The following STRBP variants were observed in gnomAD, a reference collection of about 807,000 sequenced individuals.
The protein encoded by STRBP is spermatid perinuclear RNA binding protein.
STRBP carries 13 observed loss-of-function variants against 80.1 expected under a neutral mutation model. The ratio of observed to expected loss-of-function variants is 0.16; its 90% confidence interval spans 0.11 to 0.26. The LOEUF (loss-of-function observed/expected upper bound fraction) is 0.26. STRBP is among the 10% of genes least tolerant of loss of function. The probability of loss-of-function intolerance (pLI) is 1.00; values close to 1 mark genes in which losing one functional copy is unlikely to be tolerated. For synonymous variants in STRBP, 284 were observed against 291.2 expected, an observed-to-expected ratio of 0.98 and a Z score of 0.25; for missense variants, 485 against 815.2, an observed-to-expected ratio of 0.59 and a Z score of 4.93.
chr9:123,263,731 T>TC (rs1448514405), intron 1 of STRBP, among the ~76,000 whole-genome samples: 10 of 151,994 alleles, frequency 6.6e-5, no homozygotes, highest in African/African-American at 2.4e-4. Context: ...AACTAAAACT[T>TC]GAAAAAGGAA....
chr9:123,190,993 G>A (rs77588566), intron 2 of STRBP, among the ~76,000 whole-genome samples: 1,699 of 152,296 alleles, frequency 0.011, 21 homozygotes, highest in Non-Finnish European at 0.013. Flanking sequence ...CCCAGGCACT[G>A]TCCTAGGCAC....
intron 17 of STRBP, among the ~76,000 whole-genome samples, chr9:123,129,857 A>T (rs2036061097): frequency 6.6e-6 from 1 of 152,216 alleles, no homozygotes. Flanking sequence ...GTCTATAGTT[A>T]AGTCATATAA....
chr9:123,137,060 T>C (rs2036385477), intron 14 of STRBP, among the ~76,000 whole-genome samples: 3 of 152,228 alleles, frequency 2.0e-5, no homozygotes, highest in Non-Finnish European at 4.4e-5. Context: ...GCAGTCACTC[T>C]CTGCCCTCAA....
At chr9:123,268,346 G>C (rs1470646429) in intron 1 of STRBP, 90 bp downstream of exon 1, 1 of 151,636 alleles carries the variant, frequency 6.6e-6, no homozygotes, top group African/African-American at 2.4e-5. Context: ...GGCCCGGGCC[G>C]GCTCCGCCAA....
chr9:123,152,724 T>C (rs2037110752), intron 11 of STRBP, among the ~76,000 whole-genome samples: 1 of 152,074 alleles, frequency 6.6e-6, no homozygotes, highest in Admixed American at 6.5e-5. Context: ...GGATTAGGGA[T>C]GGCTGAGCAG....
chr9:123,249,343 C>T, intron 1 of STRBP, among the ~76,000 whole-genome samples: 1 of 152,132 alleles, frequency 6.6e-6, no homozygotes. Flanking sequence ...CATGCCACTG[C>T]ACTCCAGCCT....
chr9:123,173,991 T>C, intron 4 of STRBP, 149 bp from the exon 5 acceptor site: 2 of 799,988 alleles, frequency 2.5e-6, no homozygotes, highest in Non-Finnish European at 3.8e-6. Context: ...AGCCTCAGAT[T>C]TGAGGCTTAT....
intron 17 of STRBP, among the ~76,000 whole-genome samples, chr9:123,132,210 C>T (rs1437190314): frequency 6.6e-6 from 1 of 152,176 alleles, no homozygotes; most frequent in African/African-American, 2.4e-5. Context: ...GTGGTTGCTT[C>T]ACCCTGAGCT....
intron 4 of STRBP, among the ~76,000 whole-genome samples, chr9:123,175,295 A>G (rs1208272975): frequency 6.6e-6 from 1 of 152,248 alleles, no homozygotes; most frequent in Non-Finnish European, 1.5e-5. Context: ...AGGCAAACTG[A>G]AAGTCTGACT....
At chr9:123,154,491 T>C (rs1196845809) in intron 11 of STRBP, among the ~76,000 whole-genome samples, 1 of 152,226 alleles carries the variant, frequency 6.6e-6, no homozygotes, top group Admixed American at 6.5e-5. Flanking sequence ...ATGAGAAGGA[T>C]AAAACGGATG....
intron 2 of STRBP, chr9:123,213,961 C>G (rs1186957180): frequency 6.6e-6 from 1 of 151,414 alleles, no homozygotes; most frequent in East Asian, 1.9e-4. Context: ...GTAGAACTAC[C>G]GTTTGATCCA....
intron 2 of STRBP, among the ~76,000 whole-genome samples, chr9:123,185,139 T>G (rs544192590): frequency 3.9e-5 from 6 of 152,250 alleles, no homozygotes; most frequent in Admixed American, 6.5e-5. Context: ...GCACATGCTT[T>G]AACTATGTGG....
At chr9:123,208,111 TGTAA>T (rs2039584946) in intron 2 of STRBP, among the ~76,000 whole-genome samples, 3 of 151,480 alleles carry the variant, frequency 2.0e-5, no homozygotes. Context: ...CAAAGAAGAC[TGTAA>T]GTTTTTTTTT....
At chr9:123,178,217 G>A (rs78412816) in intron 4 of STRBP, among the ~76,000 whole-genome samples, 2,523 of 152,254 alleles carry the variant, frequency 0.017, 79 homozygotes, top group African/African-American at 0.058. Flanking sequence ...GTTAAAAGCT[G>A]CAAAAATTCT....
chr9:123,161,608 C>G (rs1043801938), intron 6 of STRBP, among the ~76,000 whole-genome samples: 1 of 152,068 alleles, frequency 6.6e-6, no homozygotes, highest in Non-Finnish European at 1.5e-5. Context: ...TAACCATTAA[C>G]AGAAACTCCA....
At chr9:123,263,443 T>G (rs1248286121) in intron 1 of STRBP, among the ~76,000 whole-genome samples, 2 of 148,270 alleles carry the variant, frequency 1.3e-5, no homozygotes, top group Non-Finnish European at 3.0e-5. Context: ...GAGGATCACT[T>G]GAGCTCTGGA....
intron 1 of STRBP, among the ~76,000 whole-genome samples, chr9:123,262,477 G>A (rs2041179207): frequency 6.6e-6 from 1 of 152,188 alleles, no homozygotes; most frequent in Non-Finnish European, 1.5e-5. Flanking sequence ...TCTTACCCAT[G>A]ACCCAGAAAT....
intron 2 of STRBP, among the ~76,000 whole-genome samples, chr9:123,221,479 A>G (rs1220535029): frequency 1.3e-5 from 2 of 152,252 alleles, no homozygotes; most frequent in African/African-American, 4.8e-5. Context: ...ACTGTTAAAA[A>G]TCTACACTTT....
Position 123,121,736 on chromosome 9 carries a change from T to C in STRBP, c.*3861A>G, listed in dbSNP as rs1028565138. The C allele has an allele frequency of 6.6e-6, 1 of 152,110 alleles. No individual in the cohort carries two copies. The highest frequency in any genetic ancestry group is 1.5e-5 in the Non-Finnish European group (1 of 68,018). 9.4% of individuals were successfully genotyped at this position (152,110 alleles called of 1,614,324 possible). On this transcript the variant is annotated 3_prime_UTR_variant, in exon 19 of 19. Transcript: ENST00000348403. ...CGGAGAAGTTTTTCTCCTTGAGAAA[T>C]TGGCACTTTGATCCTCAGCTTGTGT...
Sources: allele counts gnomAD v4.1 joint callset (sites outside exome capture counted in the v4.1 genomes callset), GRCh38; gene constraint gnomAD v4.1.1; transcripts MANE v1.5; gene names NCBI Gene and HGNC (gene_info 2026-07-23, HGNC 2026-07-21).